Variants in RMDN2 observed in about 807,000 individuals in gnomAD.
RMDN2 encodes regulator of microtubule dynamics protein 2.
In RMDN2, 61 loss-of-function variants were observed where a neutral mutation model predicts 52.8. That is an observed-to-expected ratio of 1.16 (90% CI 0.94 to 1.43). The LOEUF is 1.43. Among genes scored for constraint, RMDN2 ranks in the 40% most tolerant of loss-of-function variants. RMDN2 has a pLI of 0.00. For synonymous variants in RMDN2, 180 were observed against 153.1 expected (o/e 1.18, Z -1.30); for missense variants, 592 against 475.3 (o/e 1.25, Z -2.28).
At chr2:38,011,031 C>T (rs1242490471) in intron 10 of RMDN2, among the ~76,000 whole-genome samples, 2 of 152,148 alleles carry the variant, frequency 1.3e-5, no homozygotes, top group Non-Finnish European at 2.9e-5. Context: ...ATAATTCCTT[C>T]AGTGGGAAGG....
chr2:38,008,941 T>C (rs1471618861), intron 10 of RMDN2, among the ~76,000 whole-genome samples: 1 of 152,174 alleles, frequency 6.6e-6, no homozygotes, highest in African/African-American at 2.4e-5. Flanking sequence ...CTGTAAGGGA[T>C]TTTATTTCTC....
Position 37,981,159 on chromosome 2 carries a change from G to A in RMDN2, c.731-124G>A, listed in dbSNP as rs1199804438. 4 of 708,792 alleles carry A rather than the reference G, an allele frequency of 5.6e-6. No homozygotes were observed. In the African/African-American group the frequency reaches 7.2e-5, roughly 13 times the overall value. 43.9% of individuals were successfully genotyped at this position (708,792 alleles called of 1,614,324 possible). A position where few individuals can be genotyped will look rare whatever the true frequency, so the allele number is the denominator to read the frequency against. On this transcript the variant is annotated intron_variant, in intron 4 of 10. Coordinates refer to ENST00000354545, the MANE Select transcript of RMDN2 (RefSeq NM_001170791.3). ...TGTGGCTGAAAAGTTCTTAAACAAA[G>A]TTGCCATGTGATGCTGATGCTTCTG...
chr2:37,940,310 T>C (rs1408916254), intron 2 of RMDN2, among the ~76,000 whole-genome samples: 1 of 152,212 alleles, frequency 6.6e-6, no homozygotes, highest in Non-Finnish European at 1.5e-5. Flanking sequence ...TGGCTGTCCT[T>C]AATATTTTTT....
intron 10 of RMDN2, among the ~76,000 whole-genome samples, chr2:38,023,682 G>A (rs1334856908): frequency 6.6e-6 from 1 of 152,164 alleles, no homozygotes; most frequent in African/African-American, 2.4e-5. Flanking sequence ...TTAGAACCAA[G>A]TAAAGTTCAT....
At chr2:37,936,627 A>G (rs369167926) in intron 2 of RMDN2, among the ~76,000 whole-genome samples, 16 of 152,304 alleles carry the variant, frequency 1.1e-4, no homozygotes, top group South Asian at 1.0e-3. Context: ...TTTGATTTGC[A>G]CTTCTCCAAT....
At chr2:37,981,600 T>G (rs1480927134) in intron 5 of RMDN2, among the ~76,000 whole-genome samples, 1 of 152,246 alleles carries the variant, frequency 6.6e-6, no homozygotes, top group East Asian at 1.9e-4. Context: ...TTGAAGATGA[T>G]ACGTTATAAT....
At chr2:38,021,066 A>T (rs531800472), downstream of RMDN2, among the ~76,000 whole-genome samples, 100 of 152,288 alleles carry the variant, frequency 6.6e-4, no homozygotes, top group Non-Finnish European at 1.1e-3. Flanking sequence ...GTTTGTAAAC[A>T]CACCAATCAG....
At chr2:37,941,316 C>G (rs757716176) in intron 2 of RMDN2, among the ~76,000 whole-genome samples, 1 of 152,150 alleles carries the variant, frequency 6.6e-6, no homozygotes, top group Non-Finnish European at 1.5e-5. Context: ...CTCTCCTGTG[C>G]GAGATGTCTG....
At chr2:37,993,071 C>T (rs796483945) in intron 7 of RMDN2, among the ~76,000 whole-genome samples, 23 of 152,200 alleles carry the variant, frequency 1.5e-4, no homozygotes, top group African/African-American at 4.6e-4. Context: ...TGTGCCACCA[C>T]GCTCGGGTAT....
chr2:38,061,120 C>T (rs1470288202), intron 10 of RMDN2, among the ~76,000 whole-genome samples: 1 of 152,134 alleles, frequency 6.6e-6, no homozygotes. Context: ...TGTTTGTTCT[C>T]TGGTTATTCT....
intron 6 of RMDN2, 127 bp downstream of exon 6, chr2:37,989,743 G>C: frequency 5.3e-6 from 3 of 570,966 alleles, no homozygotes; most frequent in Admixed American, 3.4e-5. Flanking sequence ...TTATTCAACA[G>C]ATTAAGCTCT....
chr2:38,017,281 A>G lies in RMDN2; in HGVS notation c.*42A>G. 1 of 1,479,718 alleles carries G rather than the reference A, an allele frequency of 6.8e-7. No homozygotes were observed. Among genetic ancestry groups the G allele is most frequent in the Non-Finnish European group, 9.0e-7 (1 of 1,112,624 alleles). 91.7% of individuals were successfully genotyped at this position (1,479,718 alleles called of 1,614,324 possible). On this transcript the variant is annotated 3_prime_UTR_variant, in exon 11 of 11. Coordinates refer to ENST00000354545, the MANE Select transcript of RMDN2 (RefSeq NM_001170791.3). ...TTCAACAAATCAGATGTGGTCTACC[A>G]AAATTTAAATGAATCAAAGTTGTGC...
intron 2 of RMDN2, among the ~76,000 whole-genome samples, chr2:37,970,006 T>G (rs1454128402): frequency 2.0e-5 from 3 of 152,104 alleles, no homozygotes; most frequent in Admixed American, 2.0e-4. Context: ...AATCATAGCT[T>G]ACTGCAGCCT....
intron 1 of RMDN2, among the ~76,000 whole-genome samples, chr2:37,928,182 CAG>C (rs538038729): frequency 9.2e-5 from 14 of 152,162 alleles, no homozygotes; most frequent in Non-Finnish European, 1.6e-4. Flanking sequence ...AACATCCAAA[CAG>C]GATACTTTCT....
intron 10 of RMDN2, among the ~76,000 whole-genome samples, chr2:38,063,304 G>C (rs1046901581): frequency 6.6e-6 from 1 of 152,012 alleles, no homozygotes; most frequent in East Asian, 1.9e-4. Context: ...TTTAATGATC[G>C]CCATTCTAAC....
intron 2 of RMDN2, among the ~76,000 whole-genome samples, chr2:37,970,382 A>G (rs1671640077): frequency 6.6e-6 from 1 of 152,228 alleles, no homozygotes; most frequent in African/African-American, 2.4e-5. Flanking sequence ...AATTTCTAGT[A>G]TAATCTCAAT....
chr2:38,004,245 G>C lies in RMDN2; in HGVS notation c.1179+29G>C, dbSNP rs1191930974. 2.7e-6 allele frequency: 4 copies of C among 1,490,482 alleles called. No individual in the cohort carries two copies. In the African/African-American group the frequency reaches 5.5e-5, roughly 21 times the overall value. The allele number at this position is 1,490,482 out of a possible 1,614,324, so 92.3% of individuals were successfully genotyped here. A position where few individuals can be genotyped will look rare whatever the true frequency, so the allele number is the denominator to read the frequency against. On this transcript the variant is annotated intron_variant, in intron 10 of 10. Coordinates refer to ENST00000354545, the MANE Select transcript of RMDN2 (RefSeq NM_001170791.3). Reference sequence around the variant, plus strand: ...AGTCCAGAAAGTGACAGTGAGTGCTGTTGTCTTGTTAGTACTATTCGAGCT... The same window carrying C: ...AGTCCAGAAAGTGACAGTGAGTGCTCTTGTCTTGTTAGTACTATTCGAGCT...
At chr2:37,928,503 A>G (rs1249985220) in intron 1 of RMDN2, among the ~76,000 whole-genome samples, 5 of 152,156 alleles carry the variant, frequency 3.3e-5, no homozygotes, top group African/African-American at 7.2e-5. Context: ...TTTTTCCCCA[A>G]TTCACACTCC....
At chr2:38,012,530 G>C in intron 10 of RMDN2, 1 of 451,148 alleles carries the variant, frequency 2.2e-6, no homozygotes, top group Non-Finnish European at 4.5e-6. Context: ...AAGAAGGCTA[G>C]ACATTGGAAG....
Sources: gnomAD v4.1 joint callset for allele counts (sites outside exome capture counted in the v4.1 genomes callset) on GRCh38, gnomAD v4.1.1 for gene constraint, MANE v1.5 for transcripts, NCBI Gene and HGNC (gene_info 2026-07-23, HGNC 2026-07-21) for gene names.